TMOD2: variants seen among roughly 807,000 people sequenced by gnomAD.
TMOD2 encodes the protein tropomodulin-2.
A neutral mutation model predicts 39.9 loss-of-function variants in TMOD2; 22 were observed. That is an observed-to-expected ratio of 0.55 (90% CI 0.39 to 0.79). TMOD2 has a LOEUF of 0.79. TMOD2 is among the 30% of genes least tolerant of loss of function. The pLI is 0.00. For missense variants in TMOD2, 386 were observed against 413.3 expected (o/e 0.93, Z 0.57); for synonymous variants, 123 against 146.1 (o/e 0.84, Z 1.14).
rs1395964446 is a variant in TMOD2 at position 51,812,330 on chromosome 15, C to T, written c.*3876C>T. 1 of 152,250 alleles carries T rather than the reference C, an allele frequency of 6.6e-6. No individual in the cohort carries two copies. The highest frequency in any genetic ancestry group is 1.5e-5 in the Non-Finnish European group (1 of 68,052). The allele number at this position is 152,250 out of a possible 1,614,324, so 9.4% of individuals were successfully genotyped here. A position where few individuals can be genotyped will look rare whatever the true frequency, so the allele number is the denominator to read the frequency against. ...AACAGAAACATGGCCCCTGACAGGG[C>T]ACCAGCATTAGGGAAACCAATGTCC... On this transcript the variant is annotated 3_prime_UTR_variant, in exon 10 of 10. Transcript: ENST00000249700.
intron 7 of TMOD2, among the ~76,000 whole-genome samples, chr15:51,786,236 G>A (rs1386598074): frequency 6.6e-6 from 1 of 152,028 alleles, no homozygotes; most frequent in East Asian, 1.9e-4. Context: ...GAAGAGAGAG[G>A]CAGAACCAAG....
intron 4 of TMOD2, among the ~76,000 whole-genome samples, chr15:51,776,522 G>A (rs145381374): frequency 1.3e-5 from 2 of 152,288 alleles, no homozygotes; most frequent in African/African-American, 4.8e-5. Context: ...ATTGAAAGAG[G>A]CCTCTGGAAA....
At chr15:51,798,123 AGT>A in intron 7 of TMOD2, 72 bp from the exon 8 acceptor site, 1 of 1,316,650 alleles carries the variant, frequency 7.6e-7, no homozygotes, top group Non-Finnish European at 1.0e-6. Context: ...TTAATTTGGG[AGT>A]GAGGGGTTTA....
chr15:51,761,943 C>G (rs895544856), intron 1 of TMOD2, among the ~76,000 whole-genome samples: 10 of 151,266 alleles, frequency 6.6e-5, no homozygotes, highest in African/African-American at 2.2e-4. Context: ...GTCAGGAGAT[C>G]GAGACCATCC....
intron 7 of TMOD2, among the ~76,000 whole-genome samples, chr15:51,795,280 G>A (rs935511592): frequency 6.6e-6 from 1 of 151,996 alleles, no homozygotes; most frequent in Admixed American, 6.5e-5. Flanking sequence ...AAAAAAATTA[G>A]CCAGGCGTGG....
rs79688960 is a variant in TMOD2 at position 51,771,282 on chromosome 15, C to T, written c.284-2430C>T. ...GGCCCCAGAAGGACCAGTGAACCAT[C>T]CAGGAGCAGCGGGAGGCTACTATGA... On this transcript the variant is annotated intron_variant, in intron 3 of 9. Transcript: ENST00000249700. Among the ~76,000 whole-genome samples, 312 of 152,286 alleles carry T rather than the reference C, an allele frequency of 2.0e-3. 1 individual carries two copies. The highest frequency in any genetic ancestry group is 7.4e-3 in the African/African-American group (306 of 41,548).
At chr15:51,806,149 G>C (rs1250605619) in intron 8 of TMOD2, among the ~76,000 whole-genome samples, 1 of 152,012 alleles carries the variant, frequency 6.6e-6, no homozygotes, top group Non-Finnish European at 1.5e-5. Flanking sequence ...TTCAGCTGCA[G>C]GACACCAGCA....
At chr15:51,778,476 T>TA (rs1226946860) in intron 5 of TMOD2, among the ~76,000 whole-genome samples, 1 of 142,946 alleles carries the variant, frequency 7.0e-6, no homozygotes, top group African/African-American at 2.6e-5. Flanking sequence ...CCCTAAAACT[T>TA]AAAGTATAAT....
At chr15:51,781,413 A>G (rs1317935498) in intron 6 of TMOD2, among the ~76,000 whole-genome samples, 1 of 152,268 alleles carries the variant, frequency 6.6e-6, no homozygotes, top group Non-Finnish European at 1.5e-5. Context: ...TTGCTGAGTA[A>G]CAAATTACTC....
rs1266756248 is a variant in TMOD2 at position 51,811,704 on chromosome 15, T to C, written c.*3250T>C. On this transcript the variant is annotated 3_prime_UTR_variant, in exon 10 of 10. Coordinates refer to ENST00000249700, the MANE Select transcript of TMOD2 (RefSeq NM_014548.4). ...GTGTACTGTCAGATATCTAACTAGGTATTTGGCTACATCTGGACAACTGAT... is the reference window on the plus strand; with the variant it reads ...GTGTACTGTCAGATATCTAACTAGGCATTTGGCTACATCTGGACAACTGAT... 6.6e-6 allele frequency: 1 copy of C among 152,162 alleles called. No individual in the cohort carries two copies. The highest frequency in any genetic ancestry group is 1.5e-5 in the Non-Finnish European group (1 of 68,048). The allele number at this position is 152,162 out of a possible 1,614,324, so 9.4% of individuals were successfully genotyped here. A position where few individuals can be genotyped will look rare whatever the true frequency, so the allele number is the denominator to read the frequency against.
rs1407981175 is a variant in TMOD2 at position 51,812,694 on chromosome 15, A to G, written c.*4240A>G. ...CAGAGGGCGGGAAGTTGAGAACACT[A>G]GGTTCTGTGCTATGTTACCTGTATT... On this transcript the variant is annotated 3_prime_UTR_variant, in exon 10 of 10. Transcript: ENST00000249700. 1 of 152,206 alleles carries G rather than the reference A, an allele frequency of 6.6e-6. No individual in the cohort carries two copies. The highest frequency in any genetic ancestry group is 2.4e-5 in the African/African-American group (1 of 41,450). 9.4% of individuals were successfully genotyped at this position (152,206 alleles called of 1,614,324 possible).
intron 7 of TMOD2, among the ~76,000 whole-genome samples, chr15:51,792,548 T>C (rs940847017): frequency 6.6e-6 from 1 of 152,130 alleles, no homozygotes; most frequent in Non-Finnish European, 1.5e-5. Context: ...CATTCTACTA[T>C]AAAGACACAT....
At chr15:51,805,020 G>A (rs1034504157) in intron 8 of TMOD2, among the ~76,000 whole-genome samples, 5 of 150,280 alleles carry the variant, frequency 3.3e-5, no homozygotes, top group East Asian at 2.0e-4. Context: ...GTGCAGTGGC[G>A]CGATCTTGGC....
At chr15:51,754,149 G>A (rs1181336505) in intron 1 of TMOD2, among the ~76,000 whole-genome samples, 2 of 152,096 alleles carry the variant, frequency 1.3e-5, no homozygotes, top group Non-Finnish European at 2.9e-5. Flanking sequence ...CAACTTCAAA[G>A]TATTAGTAAT....
rs1055990682 is a variant in TMOD2 at position 51,813,062 on chromosome 15, T to G, written c.*4608T>G. 5.3e-5 allele frequency: 8 copies of G among 152,188 alleles called. No individual in the cohort carries two copies. Among genetic ancestry groups the G allele is most frequent in the African/African-American group, 1.9e-4 (8 of 41,456 alleles). 9.4% of individuals were successfully genotyped at this position (152,188 alleles called of 1,614,324 possible). ...TAGCCAGAGAAAAGCGCCAAGAACT[T>G]CAGGGATATTATTCACTGCTTTATT... On this transcript the variant is annotated 3_prime_UTR_variant, in exon 10 of 10. Transcript: ENST00000249700.
Position 51,810,302 on chromosome 15 carries a change from AATTAT to A in TMOD2, c.*1853_*1857del, listed in dbSNP as rs2056147830. On this transcript the variant is annotated 3_prime_UTR_variant, in exon 10 of 10. Coordinates refer to ENST00000249700, the MANE Select transcript of TMOD2 (RefSeq NM_014548.4). ...AATGATGTGCACTTACAACTGAATG[AATTAT>A]ATTAAGGACAGAAGTAACAAATACT... The A allele has an allele frequency of 6.6e-6, 1 of 152,230 alleles. No individual in the cohort carries two copies. Among genetic ancestry groups the A allele is most frequent in the African/African-American group, 2.4e-5 (1 of 41,464 alleles). 9.4% of individuals were successfully genotyped at this position (152,230 alleles called of 1,614,324 possible).
chr15:51,768,127 C>T, intron 2 of TMOD2, 135 bp from the exon 3 acceptor site: 1 of 998,952 alleles, frequency 1.0e-6, no homozygotes, highest in Non-Finnish European at 1.5e-6. Context: ...AGCCCCCAGC[C>T]CTCAGCTCAC....
intron 3 of TMOD2, among the ~76,000 whole-genome samples, chr15:51,769,075 G>A (rs2055836254): frequency 6.6e-6 from 1 of 152,258 alleles, no homozygotes; most frequent in Admixed American, 6.5e-5. Context: ...GATGCCATTA[G>A]TCAGGGGAGG....
At chr15:51,755,919 C>T (rs575950445) in intron 1 of TMOD2, among the ~76,000 whole-genome samples, 5 of 151,858 alleles carry the variant, frequency 3.3e-5, no homozygotes, top group East Asian at 1.9e-4. Flanking sequence ...GCAGGAAACC[C>T]GGTGCCAATC....
Sources: gnomAD v4.1 joint callset for allele counts (sites outside exome capture counted in the v4.1 genomes callset) on GRCh38, gnomAD v4.1.1 for gene constraint, MANE v1.5 for transcripts, NCBI Gene and HGNC (gene_info 2026-07-23, HGNC 2026-07-21) for gene names.